The following DLGAP4 variants were observed in gnomAD, a reference collection of about 807,000 sequenced individuals.
The protein encoded by DLGAP4 is disks large-associated protein 4.
A neutral mutation model predicts 86.9 loss-of-function variants in DLGAP4; 18 were observed. The observed-to-expected ratio is 0.21, with a 90% CI of 0.14 to 0.31. The LOEUF is 0.31. Among genes scored for constraint, DLGAP4 ranks in the 10% least tolerant of loss-of-function variants. DLGAP4 has a pLI of 1.00. For missense variants in DLGAP4, 1,085 were observed against 1,362.6 expected (o/e 0.80, Z 3.21); for synonymous variants, 548 against 574.3 (o/e 0.95, Z 0.65).
chr20:36,476,687 A>ATTTTTTTTTTTTTTTTTTTGTTTTTTTTT (rs74173983), intron 7 of DLGAP4, among the ~76,000 whole-genome samples: 1 of 91,538 alleles, frequency 1.1e-5, no homozygotes, highest in Non-Finnish European at 1.9e-5. Flanking sequence ...CACTAGCCCA[A>ATTTTTTTTTTTTTTTTTTTGTTTTTTTTT]TTTTTTTTTT....
chr20:36,479,390 G>A (rs2035084898), intron 7 of DLGAP4, among the ~76,000 whole-genome samples: 1 of 152,140 alleles, frequency 6.6e-6, no homozygotes, highest in Non-Finnish European at 1.5e-5. Context: ...AGCCAGGATT[G>A]GAGGTCACAG....
At chr20:36,499,794 T>C in intron 9 of DLGAP4, 118 bp downstream of exon 9, 1 of 1,063,750 alleles carries the variant, frequency 9.4e-7, no homozygotes. Flanking sequence ...CCAAGCTGGG[T>C]TTGGGTTGCG....
intron 1 of DLGAP4, among the ~76,000 whole-genome samples, chr20:36,338,429 A>G (rs1189641974): frequency 6.6e-6 from 1 of 152,186 alleles, no homozygotes; most frequent in South Asian, 2.1e-4. Context: ...AAAATTGGCC[A>G]GGTGTGGTGG....
intron 2 of DLGAP4, among the ~76,000 whole-genome samples, chr20:36,416,048 G>A (rs559525909): frequency 6.6e-6 from 1 of 152,346 alleles, no homozygotes; most frequent in South Asian, 2.1e-4. Context: ...TTCCTTTGCT[G>A]TATGTCCCCA....
At chr20:36,399,277 A>G (rs1048374548) in intron 2 of DLGAP4, among the ~76,000 whole-genome samples, 1 of 152,240 alleles carries the variant, frequency 6.6e-6, no homozygotes, top group African/African-American at 2.4e-5. Flanking sequence ...AGGGCTTTAC[A>G]TTCAAGAGAA....
intron 7 of DLGAP4, chr20:36,461,836 C>T (rs943771249): frequency 3.1e-6 from 3 of 981,758 alleles, no homozygotes; most frequent in African/African-American, 1.8e-5. Flanking sequence ...CTTTGTCTCT[C>T]CCCGGCTCGC....
At chr20:36,496,451 G>A (rs914302196) in intron 7 of DLGAP4, among the ~76,000 whole-genome samples, 12 of 152,214 alleles carry the variant, frequency 7.9e-5, no homozygotes, top group African/African-American at 2.7e-4. Context: ...ACTGATGTGG[G>A]GGATATCTTT....
At chr20:36,436,022 A>G in intron 3 of DLGAP4, 87 bp from the exon 4 acceptor site, 1 of 1,445,240 alleles carries the variant, frequency 6.9e-7, no homozygotes. Context: ...GCAGGGAACG[A>G]GGGAGCTTCA....
chr20:36,364,759 G>T lies in DLGAP4; in HGVS notation c.-303-2286G>T, dbSNP rs148675992. ...AGAATCTTCAACAGCATCACAGATG[G>T]CCCGGACCCAAGAGACTGTATAATG... On this transcript the variant is annotated intron_variant, in intron 1 of 12. Transcript: ENST00000339266. Among the ~76,000 whole-genome samples the T allele has an allele frequency of 6.6e-5, 10 of 152,228 alleles. No homozygotes were observed. In the East Asian group the frequency reaches 1.5e-3, roughly 24 times the overall value.
chr20:36,377,038 G>A (rs544656989), intron 2 of DLGAP4, among the ~76,000 whole-genome samples: 5 of 152,314 alleles, frequency 3.3e-5, no homozygotes, highest in African/African-American at 7.2e-5. Flanking sequence ...TAAGGACCTG[G>A]AGTGTGTTGC....
intron 1 of DLGAP4, among the ~76,000 whole-genome samples, chr20:36,343,630 A>G (rs115848649): frequency 0.02 from 3,086 of 151,606 alleles, 126 homozygotes; most frequent in African/African-American, 0.071. Context: ...CCCCCCCCCA[A>G]CCCCCCGTTG....
At chr20:36,441,566 G>A (rs2033447897) in intron 5 of DLGAP4, among the ~76,000 whole-genome samples, 2 of 152,182 alleles carry the variant, frequency 1.3e-5, no homozygotes, top group African/African-American at 4.8e-5. Flanking sequence ...CCTGGGAGCG[G>A]AGGCCTTGCT....
At chr20:36,315,067 GTGAT>G (rs2065086059) in intron 1 of DLGAP4, among the ~76,000 whole-genome samples, 2 of 45,206 alleles carry the variant, frequency 4.4e-5, no homozygotes, top group African/African-American at 1.7e-4. Context: ...CGTGTGTGGT[GTGAT>G]GTGTGTGTTA....
chr20:36,389,194 G>A (rs1312509246), intron 2 of DLGAP4, among the ~76,000 whole-genome samples: 2 of 152,170 alleles, frequency 1.3e-5, no homozygotes. Flanking sequence ...GGAGGAGGGA[G>A]GATTCCAGGC....
In DLGAP4 at chr20:36,432,462, A is replaced by G. The variant is rs1396576546; in HGVS notation, c.745A>G (p.Ile249Val). The G allele has an allele frequency of 1.9e-5, 30 of 1,613,620 alleles. No homozygotes were observed. Among genetic ancestry groups the G allele is most frequent in the Non-Finnish European group, 2.5e-5 (29 of 1,180,020 alleles). Residue 249 changes from isoleucine to valine, a missense_variant, in exon 3 of 13, where the codon ATC becomes GTC. By Grantham distance (29) the Ile-to-Val change is conservative (BLOSUM62 3). Coordinates refer to ENST00000339266, the MANE Select transcript of DLGAP4 (RefSeq NM_001365621.2). This position sits in a 1 kb window ranked among gnomAD's most constrained non-coding sequence, Gnocchi z 6.5. Reference sequence around the variant, plus strand: ...CTACTTCATGCACGCCTACAACACCATCAGTGGGCACATGCTCAAAACCAC... The same window carrying G: ...CTACTTCATGCACGCCTACAACACCGTCAGTGGGCACATGCTCAAAACCAC... ...PRYFMHAYNT[I>V]SGHMLKTTKN...
intron 7 of DLGAP4, among the ~76,000 whole-genome samples, chr20:36,463,832 T>G (rs1292025818): frequency 6.6e-6 from 1 of 152,178 alleles, no homozygotes. Context: ...GTCAAGGAGC[T>G]TAGGATGTCC....
intron 5 of DLGAP4, among the ~76,000 whole-genome samples, chr20:36,440,684 G>T (rs1285097608): frequency 6.6e-6 from 1 of 152,130 alleles, no homozygotes; most frequent in Admixed American, 6.5e-5. Flanking sequence ...CTGGACCTCA[G>T]CTCCTGCCGT....
chr20:36,500,222 T>C lies in DLGAP4; in HGVS notation c.2123T>C (p.Met708Thr). 2 of 1,574,540 alleles carry C rather than the reference T, an allele frequency of 1.3e-6. No individual in the cohort carries two copies. Among genetic ancestry groups the C allele is most frequent in the Non-Finnish European group, 1.7e-6 (2 of 1,160,072 alleles). ...AGAAGCAGCGTCCCCTCTCACAGTA[T>C]GTCCTCCCGACGGGACACAGACTCG... is the stretch of plus-strand genomic sequence containing the variant. Reference protein sequence around the residue: ...DWRSSVPSHSMSSRRDTDSDT... With the variant: ...DWRSSVPSHSTSSRRDTDSDT... Residue 708 changes from methionine to threonine, a missense_variant, in exon 10 of 13, where the codon ATG (methionine) becomes ACG (threonine). By Grantham distance (81) the Met-to-Thr change is moderately conservative. Around this residue, in one of 2 missense-constraint regions of DLGAP4, gnomAD observed 1,082 missense variants for 1,344.1 expected, o/e 0.81. Transcript: ENST00000339266. The surrounding 1 kb of genome is among the most constrained non-coding windows in gnomAD (Gnocchi z 4.6).
chr20:36,459,591 T>C (rs1438996096), intron 7 of DLGAP4, among the ~76,000 whole-genome samples: 3 of 152,180 alleles, frequency 2.0e-5, no homozygotes, highest in East Asian at 3.9e-4. Flanking sequence ...TTGCCCAGGC[T>C]GGTCTTTTTT....
Sources: allele counts gnomAD v4.1 joint callset (sites outside exome capture counted in the v4.1 genomes callset), GRCh38; gene constraint gnomAD v4.1.1; regional missense constraint gnomAD v4.1.1; non-coding constraint Gnocchi (gnomAD v3.1); transcripts MANE v1.5; gene names NCBI Gene and HGNC (gene_info 2026-07-23, HGNC 2026-07-21).